The following CUL5 variants were observed in gnomAD, a reference collection of about 807,000 sequenced individuals.
CUL5 encodes cullin-5.
CUL5 carries 26 observed loss-of-function variants against 108.8 expected under a neutral mutation model. The ratio of observed to expected loss-of-function variants is 0.24; its 90% CI spans 0.18 to 0.33. The LOEUF (loss-of-function observed/expected upper bound fraction) is 0.33, where lower values mean the gene tolerates loss of function less well. CUL5 is among the 10% of genes least tolerant of loss of function. The probability of loss-of-function intolerance (pLI) is 1.00; values close to 1 mark genes in which losing one functional copy is unlikely to be tolerated. For missense variants in CUL5, 524 were observed against 909.2 expected (o/e 0.58, Z 5.45); for synonymous variants, 334 against 298.0 (o/e 1.12, Z -1.25).
intron 1 of CUL5, among the ~76,000 whole-genome samples, chr11:108,027,300 C>T (rs185995661): frequency 7.3e-5 from 11 of 150,568 alleles, no homozygotes; most frequent in Non-Finnish European, 3.0e-5. Flanking sequence ...TTGAGACAGT[C>T]TCCCCCTGCT....
intron 7 of CUL5, among the ~76,000 whole-genome samples, chr11:108,061,750 T>C (rs570387851): frequency 5.3e-5 from 8 of 152,170 alleles, no homozygotes; most frequent in Non-Finnish European, 1.0e-4. Flanking sequence ...TTCACACTGC[T>C]ATAAAGATAA....
chr11:108,044,140 A>T (rs955417446), intron 2 of CUL5, among the ~76,000 whole-genome samples: 2 of 152,236 alleles, frequency 1.3e-5, no homozygotes, highest in Non-Finnish European at 2.9e-5. Flanking sequence ...ACCAGATACC[A>T]TTATCAAGCT....
At chr11:108,037,037 G>A (rs1862762704) in intron 2 of CUL5, among the ~76,000 whole-genome samples, 1 of 151,876 alleles carries the variant, frequency 6.6e-6, no homozygotes, top group Admixed American at 6.6e-5. Flanking sequence ...AGAGGAGAGA[G>A]CATACAAACT....
chr11:108,092,084 C>T (rs1027768059), intron 13 of CUL5, among the ~76,000 whole-genome samples: 1 of 152,104 alleles, frequency 6.6e-6, no homozygotes, highest in African/African-American at 2.4e-5. Flanking sequence ...TTGTAATGAG[C>T]TGAGATTGTG....
rs1160106253 is a variant in CUL5, at chr11:108,107,428, A to C, written c.*3044A>C. The C allele has an allele frequency of 6.6e-6, 1 of 152,624 alleles. No homozygotes were observed. The highest frequency in any genetic ancestry group is 1.5e-5 in the Non-Finnish European group (1 of 68,028). 9.5% of individuals were successfully genotyped at this position (152,624 alleles called of 1,614,324 possible). On this transcript the variant is annotated 3_prime_UTR_variant, in exon 19 of 19. Transcript: ENST00000393094. ...AACTCAAGCTGGTTTTTCTGTTCTCATGTAAGTGACTGGGATGCTGTCTTA... is the reference window on the plus strand; with the variant it reads ...AACTCAAGCTGGTTTTTCTGTTCTCCTGTAAGTGACTGGGATGCTGTCTTA...
intron 9 of CUL5, 134 bp from the exon 10 acceptor site, chr11:108,073,256 C>G: frequency 1.9e-6 from 1 of 520,730 alleles, no homozygotes; most frequent in Non-Finnish European, 3.4e-6. Flanking sequence ...AATATTGGAA[C>G]ACCTTTTAGT....
rs749132673 is a variant in CUL5, at chr11:108,094,487, C to T, written c.1540C>T (p.His514Tyr). The T allele has an allele frequency of 6.8e-7, 1 of 1,481,174 alleles. No homozygotes were observed. The highest frequency in any genetic ancestry group is 1.8e-5 in the Admixed American group (1 of 54,812). The allele number at this position is 1,481,174 out of a possible 1,614,324, so 91.8% of individuals were successfully genotyped here. A position where few individuals can be genotyped will look rare whatever the true frequency, so the allele number is the denominator to read the frequency against. ...TTTGAACCAAGCTTTTAAGGAAATGCACAAAAATAATAAATTGGCATTACC... is the reference window on the plus strand; with the variant it reads ...TTTGAACCAAGCTTTTAAGGAAATGTACAAAAATAATAAATTGGCATTACC... ...EDLNQAFKEMHKNNKLALPAD... is the reference protein window; with the variant it reads ...EDLNQAFKEMYKNNKLALPAD... The change falls in exon 14 of 19, where the codon CAC becomes TAC. Residue 514 changes from histidine (H) to tyrosine (Y), a missense_variant. His to Tyr is a moderately conservative substitution (Grantham distance 83). Transcript: ENST00000393094.
intron 1 of CUL5, among the ~76,000 whole-genome samples, chr11:108,032,464 C>G (rs538465355): frequency 6.6e-6 from 1 of 152,196 alleles, no homozygotes; most frequent in South Asian, 2.1e-4. Context: ...GCTATGATCA[C>G]TCCACTGCCC....
chr11:108,090,494 A>AAAAAT (rs202007296), intron 13 of CUL5, among the ~76,000 whole-genome samples: 1 of 152,178 alleles, frequency 6.6e-6, no homozygotes, highest in African/African-American at 2.4e-5. Flanking sequence ...CCATCTCAAG[A>AAAAAT]AAAATAAAAT....
In CUL5 at chr11:108,044,421, A is replaced by G. The variant is rs1863014444; in HGVS notation, c.135-1849A>G. Among the ~76,000 whole-genome samples, 3 of 152,164 alleles carry G rather than the reference A, an allele frequency of 2.0e-5. No homozygotes were observed. In the South Asian group the frequency reaches 6.2e-4, roughly 32 times the overall value. On this transcript the variant is annotated intron_variant, in intron 2 of 18. Coordinates refer to ENST00000393094, the MANE Select transcript of CUL5 (RefSeq NM_003478.6). ...TCCCAGCTAGTCGGGAGGCTGAGGC[A>G]GGGTTGAGCCCAGGAGGTTGAGGCT... is the stretch of plus-strand genomic sequence containing the variant.
At chr11:108,086,583 A>G (rs567376113) in intron 11 of CUL5, among the ~76,000 whole-genome samples, 48 of 152,314 alleles carry the variant, frequency 3.2e-4, no homozygotes, top group African/African-American at 9.6e-4. Context: ...TACCTAAGGG[A>G]ATACAGAAAG....
intron 2 of CUL5, among the ~76,000 whole-genome samples, chr11:108,040,507 C>T (rs1410821290): frequency 6.6e-6 from 1 of 151,378 alleles, no homozygotes; most frequent in Non-Finnish European, 1.5e-5. Context: ...AGCTACTTGG[C>T]CAGCTGAGGC....
At chr11:108,021,054 C>T (rs1591275268) in intron 1 of CUL5, among the ~76,000 whole-genome samples, 1 of 152,192 alleles carries the variant, frequency 6.6e-6, no homozygotes, top group South Asian at 2.1e-4. Context: ...AGCTTCAGTA[C>T]AGTTACATGC....
intron 2 of CUL5, 100 bp downstream of exon 2, chr11:108,034,011 C>G: frequency 1.4e-6 from 1 of 734,400 alleles, no homozygotes; most frequent in Non-Finnish European, 2.3e-6. Context: ...ATCTGTTTAC[C>G]TATTAAAAAG....
chr11:108,017,725 C>G (rs1591272224), intron 1 of CUL5, among the ~76,000 whole-genome samples: 2 of 152,036 alleles, frequency 1.3e-5, no homozygotes, highest in Admixed American at 1.3e-4. Context: ...TAGTGCATGC[C>G]TGTAATCTCA....
chr11:108,025,785 C>A (rs1256761897), intron 1 of CUL5, among the ~76,000 whole-genome samples: 1 of 152,180 alleles, frequency 6.6e-6, no homozygotes, highest in Non-Finnish European at 1.5e-5. Flanking sequence ...TCCCTTGATG[C>A]CACAAATTCT....
chr11:108,013,772 C>T (rs185210616), intron 1 of CUL5, among the ~76,000 whole-genome samples: 2 of 152,184 alleles, frequency 1.3e-5, no homozygotes, highest in Non-Finnish European at 2.9e-5. Flanking sequence ...AGCAGTGATT[C>T]AGAGTGTCTA....
chr11:108,011,439 G>C (rs1017520409), intron 1 of CUL5, among the ~76,000 whole-genome samples: 2 of 152,124 alleles, frequency 1.3e-5, no homozygotes, highest in Admixed American at 6.6e-5. Flanking sequence ...GGGGTACTTA[G>C]GGTTTAGGTT....
In CUL5 at chr11:108,104,255, A is replaced by G. The variant is rs751647670; in HGVS notation, c.2214A>G (p.Leu738=). Reference sequence around the variant, plus strand: ...GTAATGCTCAGCTGCAGACTGAATTAGTAGAAATTTTGAAAAACATGTTCT... The same window carrying G: ...GTAATGCTCAGCTGCAGACTGAATTGGTAGAAATTTTGAAAAACATGTTCT... ...KISNAQLQTE[L]VEILKNMFLP... The change falls in exon 19 of 19, where the codon TTA becomes TTG. Residue 738 remains leucine, a synonymous_variant. Transcript: ENST00000393094. The G allele has an allele frequency of 6.2e-7, 1 of 1,609,522 alleles. No individual in the cohort carries two copies. Among genetic ancestry groups the G allele is most frequent in the Non-Finnish European group, 8.5e-7 (1 of 1,178,214 alleles).
Sources: gnomAD v4.1 joint callset for allele counts (sites outside exome capture counted in the v4.1 genomes callset) on GRCh38, gnomAD v4.1.1 for gene constraint, MANE v1.5 for transcripts, NCBI Gene and HGNC (gene_info 2026-07-23, HGNC 2026-07-21) for gene names.